The following RGS7 variants were observed in gnomAD, a reference collection of about 807,000 sequenced individuals.
RGS7 encodes regulator of G-protein signaling 7.
Under a neutral mutation model 81.1 loss-of-function variants are expected in RGS7, and 27 were observed. That is an observed-to-expected ratio of 0.33 (90% CI 0.25 to 0.46). The LOEUF (loss-of-function observed/expected upper bound fraction) is 0.46, where lower values mean the gene tolerates loss of function less well. Ranked by LOEUF, RGS7 falls within the 20% of genes least tolerant of loss-of-function variation. The pLI, the probability that RGS7 is intolerant of heterozygous loss-of-function variation, is 1.00. For synonymous variants in RGS7, 208 were observed against 207.7 expected, an observed-to-expected ratio of 1.00 and a Z score of -0.01; for missense variants, 396 against 607.4, an observed-to-expected ratio of 0.65 and a Z score of 3.66.
chr1:241,341,870 CTTTTTTTTTT>C (rs35903618), intron 2 of RGS7, among the ~76,000 whole-genome samples: 2 of 89,520 alleles, frequency 2.2e-5, no homozygotes, highest in Non-Finnish European at 4.3e-5. Context: ...CTCTTCAACT[CTTTTTTTTTT>C]TTTTTTTTTT....
intron 6 of RGS7, among the ~76,000 whole-genome samples, chr1:240,898,412 G>A (rs1207932070): frequency 6.6e-6 from 1 of 151,956 alleles, no homozygotes; most frequent in South Asian, 2.1e-4. Flanking sequence ...TTTCTCTTGT[G>A]GTCATTTAGT....
chr1:240,885,866 A>G (rs185429167), intron 6 of RGS7, among the ~76,000 whole-genome samples: 238 of 152,304 alleles, frequency 1.6e-3, no homozygotes, highest in African/African-American at 4.7e-3. Context: ...GTTTATCTGT[A>G]TAACAAACCT....
intron 18 of RGS7, among the ~76,000 whole-genome samples, chr1:240,789,405 A>G (rs1482486704): frequency 6.6e-6 from 1 of 152,238 alleles, no homozygotes; most frequent in Non-Finnish European, 1.5e-5. Context: ...TGTTCAGGGA[A>G]CAAGAGAGAT....
At chr1:241,177,499 T>C (rs116089149) in intron 2 of RGS7, among the ~76,000 whole-genome samples, 300 of 152,242 alleles carry the variant, frequency 2.0e-3, no homozygotes, top group Middle Eastern at 0.014. Context: ...GGTTTTATTG[T>C]AAATATAAGA....
At position 240,802,887 on chromosome 1, in the gene RGS7, TCA is replaced by T; in HGVS notation, c.1359+15_1359+16del. 6.5e-7 allele frequency: 1 copy of T among 1,547,522 alleles called. No homozygotes were observed. The highest frequency in any genetic ancestry group is 8.9e-7 in the Non-Finnish European group (1 of 1,119,826). On this transcript the variant is annotated intron_variant, in intron 16 of 18. Coordinates refer to ENST00000440928, the MANE Select transcript of RGS7 (RefSeq NM_001364886.1). ...GAGAACTAGGCCAAGAAAAAACAAC[TCA>T]CAAAAAACCAGTACCTTTTTCTTTG...
At chr1:241,259,667 A>AAAAAAAAAAAAAAAAAATATATATATAT in intron 2 of RGS7, among the ~76,000 whole-genome samples, 2 of 49,142 alleles carry the variant, frequency 4.1e-5, no homozygotes, top group African/African-American at 1.6e-4. Flanking sequence ...AAAAAAAAAA[A>AAAAAAAAAAAAAAAAAATATATATATAT]ATATATATAT....
At chr1:241,061,768 C>T (rs2061751646) in intron 3 of RGS7, among the ~76,000 whole-genome samples, 1 of 152,020 alleles carries the variant, frequency 6.6e-6, no homozygotes, top group Admixed American at 6.6e-5. Context: ...CTGGTGGGAC[C>T]CACTCACCCC....
chr1:241,342,326 C>A (rs2082615168), intron 2 of RGS7, among the ~76,000 whole-genome samples: 1 of 151,994 alleles, frequency 6.6e-6, no homozygotes, highest in African/African-American at 2.4e-5. Context: ...AAAATATTAC[C>A]CCCAGGCAGA....
At chr1:240,884,572 G>A (rs1321557926) in intron 6 of RGS7, among the ~76,000 whole-genome samples, 1 of 152,186 alleles carries the variant, frequency 6.6e-6, no homozygotes, top group East Asian at 1.9e-4. Flanking sequence ...TAGAGCAATG[G>A]AACAGAATAG....
intron 2 of RGS7, among the ~76,000 whole-genome samples, chr1:241,201,519 G>A (rs2147856198): frequency 6.6e-6 from 1 of 152,050 alleles, no homozygotes; most frequent in Middle Eastern, 3.4e-3. Context: ...CTAACTTTTT[G>A]CCTCTTCTGT....
chr1:241,258,872 G>T (rs1398953805), intron 2 of RGS7, among the ~76,000 whole-genome samples: 1 of 152,188 alleles, frequency 6.6e-6, no homozygotes, highest in Non-Finnish European at 1.5e-5. Context: ...GTATTATCCT[G>T]CAGGCTTCAA....
At chr1:241,260,236 G>A (rs1453504668) in intron 2 of RGS7, among the ~76,000 whole-genome samples, 1 of 152,116 alleles carries the variant, frequency 6.6e-6, no homozygotes, top group Non-Finnish European at 1.5e-5. Context: ...GCTTCTCGTA[G>A]GGAACTCTCC....
chr1:241,205,643 T>A (rs1287887347), intron 2 of RGS7, among the ~76,000 whole-genome samples: 1 of 151,742 alleles, frequency 6.6e-6, no homozygotes, highest in Non-Finnish European at 1.5e-5. Context: ...GTATTTTTAG[T>A]AGAGACAGAG....
intron 2 of RGS7, among the ~76,000 whole-genome samples, chr1:241,293,161 C>T (rs2079184495): frequency 1.3e-5 from 2 of 152,260 alleles, no homozygotes; most frequent in Middle Eastern, 6.8e-3. Context: ...TTTCCTATCG[C>T]CTAGCAACAC....
intron 3 of RGS7, among the ~76,000 whole-genome samples, chr1:240,999,133 C>A (rs1687752282): frequency 1.3e-5 from 2 of 152,102 alleles, no homozygotes; most frequent in Non-Finnish European, 2.9e-5. Context: ...TGATGTTGTC[C>A]TTTTCAGTCC....
chr1:241,230,066 GT>G (rs34312400), intron 2 of RGS7, among the ~76,000 whole-genome samples: 66,831 of 149,844 alleles, frequency 0.45, 15,334 homozygotes, highest in African/African-American at 0.52. Context: ...TTATATTTAA[GT>G]TTTTTTTTTT....
intron 3 of RGS7, among the ~76,000 whole-genome samples, chr1:241,024,225 T>C (rs1196264583): frequency 1.3e-5 from 2 of 152,250 alleles, no homozygotes; most frequent in African/African-American, 2.4e-5. Context: ...ATGTGAAGCC[T>C]AGCACCTTCA....
At chr1:240,963,926 C>T (rs1169200528) in intron 4 of RGS7, among the ~76,000 whole-genome samples, 1 of 152,138 alleles carries the variant, frequency 6.6e-6, no homozygotes, top group Non-Finnish European at 1.5e-5. Context: ...GCGGGTGGAT[C>T]ACTTGAAGCC....
chr1:240,972,646 T>C (rs1469191068), intron 4 of RGS7, among the ~76,000 whole-genome samples: 2 of 141,130 alleles, frequency 1.4e-5, no homozygotes, highest in South Asian at 4.7e-4. Context: ...TGTATACATA[T>C]GTAACTAACC....
Sources: gnomAD v4.1 joint callset for allele counts (sites outside exome capture counted in the v4.1 genomes callset) on GRCh38, gnomAD v4.1.1 for gene constraint, MANE v1.5 for transcripts, NCBI Gene and HGNC (gene_info 2026-07-23, HGNC 2026-07-21) for gene names.